Variants in FGF2 observed in about 807,000 individuals in gnomAD.
FGF2 encodes basic fibroblast growth factor bFGF.
A neutral mutation model predicts 15.9 loss-of-function variants in FGF2; 13 were observed. The observed-to-expected ratio is 0.82, with a 90% CI of 0.53 to 1.30. The LOEUF is 1.30. Among genes scored for constraint, FGF2 ranks in the 50% most tolerant of loss-of-function variants. The pLI is 0.00. For missense variants in FGF2, 163 were observed against 196.9 expected (o/e 0.83, Z 1.03); for synonymous variants, 90 against 78.4 (o/e 1.15, Z -0.78).
At chr4:122,847,635 AT>A (rs1560741669) in intron 1 of FGF2, among the ~76,000 whole-genome samples, 3 of 135,298 alleles carry the variant, frequency 2.2e-5, no homozygotes, top group African/African-American at 1.1e-4. Flanking sequence ...CTATCTATCT[AT>A]CTATCTGTCT....
chr4:122,873,218 A>T (rs999363350), intron 1 of FGF2, among the ~76,000 whole-genome samples: 7 of 152,184 alleles, frequency 4.6e-5, no homozygotes, highest in African/African-American at 1.7e-4. Context: ...ATCTCTCTTT[A>T]TCCTGCTGGT....
intron 1 of FGF2, among the ~76,000 whole-genome samples, chr4:122,872,772 A>G (rs955039110): frequency 2.0e-5 from 3 of 152,218 alleles, no homozygotes; most frequent in African/African-American, 7.2e-5. Context: ...ATCCAGCCAC[A>G]CTAACCTTCA....
chr4:122,883,522 A>G (rs1578478915), intron 2 of FGF2, among the ~76,000 whole-genome samples: 2 of 152,208 alleles, frequency 1.3e-5, no homozygotes, highest in Non-Finnish European at 1.5e-5. Context: ...TCTTTAATGC[A>G]CAACAGACTT....
chr4:122,836,578 A>G (rs1725871195), intron 1 of FGF2, among the ~76,000 whole-genome samples: 1 of 152,188 alleles, frequency 6.6e-6, no homozygotes, highest in Non-Finnish European at 1.5e-5. Flanking sequence ...ATTACCCAGT[A>G]GTTCTTTACT....
At chr4:122,876,180 C>T (rs1726841712) in intron 1 of FGF2, 141 bp from the exon 2 acceptor site, 2 of 698,684 alleles carry the variant, frequency 2.9e-6, no homozygotes, top group African/African-American at 3.5e-5. Context: ...CCCTGTCACT[C>T]ACCCATACCC....
chr4:122,852,774 T>C (rs1324657142), intron 1 of FGF2, among the ~76,000 whole-genome samples: 1 of 152,232 alleles, frequency 6.6e-6, no homozygotes, highest in Non-Finnish European at 1.5e-5. Flanking sequence ...CATTTCATCC[T>C]TTGCCTTCCA....
Position 122,877,146 on chromosome 4 carries a change from A to C in FGF2, c.282+722A>C, listed in dbSNP as rs1578475706. ...TTTTTTTGAGATGGAGTCTCACTCC[A>C]CTGCGCAGACTGGAGTGCAGTGGCG... On this transcript the variant is annotated intron_variant, in intron 2 of 2. Coordinates refer to ENST00000644866, the MANE Select transcript of FGF2 (RefSeq NM_001361665.2). Among the ~76,000 whole-genome samples the C allele has an allele frequency of 3.4e-5, 5 of 147,318 alleles. No homozygotes were observed. In the South Asian group the frequency reaches 1.1e-3, roughly 32 times the overall value.
At chr4:122,883,972 T>C (rs1421858113) in intron 2 of FGF2, among the ~76,000 whole-genome samples, 4 of 152,146 alleles carry the variant, frequency 2.6e-5, no homozygotes, top group Non-Finnish European at 1.5e-5. Context: ...ATGAAATCTA[T>C]AATAAAGTAA....
chr4:122,842,676 G>C (rs932535249), intron 1 of FGF2, among the ~76,000 whole-genome samples: 2 of 152,142 alleles, frequency 1.3e-5, no homozygotes, highest in Non-Finnish European at 2.9e-5. Flanking sequence ...TAACTATGTT[G>C]GGTCTAGTTA....
At chr4:122,850,197 G>A (rs867523299) in intron 1 of FGF2, among the ~76,000 whole-genome samples, 5 of 151,862 alleles carry the variant, frequency 3.3e-5, no homozygotes, top group Non-Finnish European at 5.9e-5. Context: ...GGGAGGCGGA[G>A]GTTGCAGTGA....
At chr4:122,862,927 C>A (rs982032544) in intron 1 of FGF2, among the ~76,000 whole-genome samples, 3 of 152,176 alleles carry the variant, frequency 2.0e-5, no homozygotes, top group Non-Finnish European at 4.4e-5. Context: ...CAAAAACTGA[C>A]TCTAGGGAGT....
Position 122,892,546 on chromosome 4 carries a change from T to C in FGF2, c.*150T>C. ...TATCCAGTAGTAAAATATGTAACCA[T>C]TGTCCCAGTAAAGAAAAATAACAAA... On this transcript the variant is annotated 3_prime_UTR_variant, in exon 3 of 3. Transcript: ENST00000644866. 1.4e-6 allele frequency: 2 copies of C among 1,476,786 alleles called. No individual in the cohort carries two copies. The highest frequency in any genetic ancestry group is 1.8e-6 in the Non-Finnish European group (2 of 1,117,664). 91.5% of individuals were successfully genotyped at this position (1,476,786 alleles called of 1,614,324 possible).
At position 122,892,226 on chromosome 4, in the gene FGF2, G is replaced by T; in HGVS notation, c.298G>T (p.Glu100Ter). The T allele has an allele frequency of 6.2e-7, 1 of 1,612,262 alleles. No individual in the cohort carries two copies. The highest frequency in any genetic ancestry group is 2.2e-5 in the East Asian group (1 of 44,868). The part of the protein sequence containing the change: ...RLLASKCVTD[E>*]CFFFERLESN... ...TATTTTTCAGAAATGTGTTACGGAT[G>T]AGTGTTTCTTTTTTGAACGATTGGA... The change falls in exon 3 of 3, where the codon GAG (glutamate) becomes TAG (stop). Residue 100 changes from glutamate (E) to a stop codon, truncating the protein, a stop_gained. Coordinates refer to ENST00000644866, the MANE Select transcript of FGF2 (RefSeq NM_001361665.2). LOFTEE classifies it high-confidence loss of function.
chr4:122,826,735 G>A (rs1158814631), upstream of FGF2: 2 of 1,263,672 alleles, frequency 1.6e-6, no homozygotes, highest in Non-Finnish European at 2.0e-6. Context: ...AGCGAGTAGG[G>A]GGCGGCGCGC....
At chr4:122,874,610 T>A (rs1216330351) in intron 1 of FGF2, among the ~76,000 whole-genome samples, 3 of 152,178 alleles carry the variant, frequency 2.0e-5, no homozygotes, top group Admixed American at 2.0e-4. Context: ...TTATTTATCC[T>A]ATCCACTTTA....
chr4:122,831,505 C>T (rs416124), intron 1 of FGF2, among the ~76,000 whole-genome samples: 11,610 of 152,148 alleles, frequency 0.076, 806 homozygotes, highest in South Asian at 0.2. Context: ...TAATATCTGG[C>T]AAGTGGATAG....
chr4:122,829,359 G>A (rs914777957), intron 1 of FGF2, among the ~76,000 whole-genome samples: 2 of 152,108 alleles, frequency 1.3e-5, no homozygotes, highest in Non-Finnish European at 2.9e-5. Flanking sequence ...CTGGCATCTG[G>A]CAGGTAGAGG....
intron 1 of FGF2, among the ~76,000 whole-genome samples, chr4:122,843,861 A>G (rs1726047065): frequency 6.6e-6 from 1 of 152,240 alleles, no homozygotes; most frequent in Non-Finnish European, 1.5e-5. Context: ...GCTAATGATC[A>G]TCTGAGCCTT....
intron 2 of FGF2, among the ~76,000 whole-genome samples, chr4:122,886,500 T>G (rs1213172677): frequency 6.6e-6 from 1 of 152,220 alleles, no homozygotes; most frequent in Non-Finnish European, 1.5e-5. Flanking sequence ...AGGGGTAGTA[T>G]CTACATAAAT....
Sources: allele counts gnomAD v4.1 joint callset (sites outside exome capture counted in the v4.1 genomes callset), GRCh38; gene constraint gnomAD v4.1.1; transcripts MANE v1.5; gene names NCBI Gene and HGNC (gene_info 2026-07-23, HGNC 2026-07-21).